The following ATXN7 variants were observed in gnomAD, a reference collection of about 807,000 sequenced individuals.
ATXN7 encodes the protein ataxin 7.
In ATXN7, 12 loss-of-function variants were observed where a neutral mutation model predicts 70.5. The ratio of observed to expected loss-of-function variants is 0.17; its 90% CI spans 0.11 to 0.28. The LOEUF is 0.28. ATXN7 is among the 10% of genes least tolerant of loss of function. The probability of loss-of-function intolerance (pLI) is 1.00; values close to 1 mark genes in which losing one functional copy is unlikely to be tolerated. For missense variants in ATXN7, 1,256 were observed against 1,131.7 expected, an observed-to-expected ratio of 1.11 and a Z score of -1.58; for synonymous variants, 498 against 448.7, an observed-to-expected ratio of 1.11 and a Z score of -1.39.
upstream of ATXN7, chr3:63,863,715 CA>C: frequency 8.0e-7 from 1 of 1,248,578 alleles, no homozygotes; most frequent in African/African-American, 1.6e-5. Flanking sequence ...CCAGGGGTCT[CA>C]GGGGAGGCCC....
Position 64,001,948 on chromosome 3 carries a change from T to G in ATXN7, c.*2481T>G, listed in dbSNP as rs2106820729. Reference sequence around the variant, plus strand: ...GGTATCAATTTAAAACCAAGATAATTTTTATATTCTTTCCAATAGAATTTC... The same window carrying G: ...GGTATCAATTTAAAACCAAGATAATGTTTATATTCTTTCCAATAGAATTTC... On this transcript the variant is annotated 3_prime_UTR_variant, in exon 13 of 13. Coordinates refer to ENST00000674280, the MANE Select transcript of ATXN7 (RefSeq NM_001377405.1). 1 of 152,438 alleles carries G rather than the reference T, an allele frequency of 6.6e-6. No homozygotes were observed. The allele number at this position is 152,438 out of a possible 1,614,324, so 9.4% of individuals were successfully genotyped here. A position where few individuals can be genotyped will look rare whatever the true frequency, so the allele number is the denominator to read the frequency against.
At chr3:63,902,840 T>C (rs367639037) in intron 2 of ATXN7, among the ~76,000 whole-genome samples, 10 of 151,950 alleles carry the variant, frequency 6.6e-5, no homozygotes, top group East Asian at 3.9e-4. Context: ...TAGAGTTTCT[T>C]CTTCAAAAAA....
intron 2 of ATXN7, among the ~76,000 whole-genome samples, chr3:63,907,830 A>G (rs539715231): frequency 8.5e-5 from 13 of 152,308 alleles, no homozygotes; most frequent in Admixed American, 1.3e-4. Flanking sequence ...TTTCAAATCA[A>G]GTTCGTCATA....
At chr3:63,940,876 C>G (rs1297334750) in intron 4 of ATXN7, among the ~76,000 whole-genome samples, 1 of 152,108 alleles carries the variant, frequency 6.6e-6, no homozygotes. Context: ...GTAGGCACTT[C>G]CAGATTTGGG....
chr3:63,865,980 A>G (rs1405093966), intron 1 of ATXN7, among the ~76,000 whole-genome samples: 1 of 150,352 alleles, frequency 6.7e-6, no homozygotes, highest in African/African-American at 2.4e-5. Context: ...TAATCTTATC[A>G]TAATACTGAT....
chr3:63,909,933 T>C (rs1040022065), intron 2 of ATXN7, among the ~76,000 whole-genome samples: 1 of 152,236 alleles, frequency 6.6e-6, no homozygotes, highest in Non-Finnish European at 1.5e-5. Flanking sequence ...TCCTCAATAA[T>C]TGATAGCTTG....
intron 2 of ATXN7, 32 bp from the exon 3 acceptor site, chr3:63,912,556 A>G: frequency 9.0e-7 from 1 of 1,107,434 alleles, no homozygotes; most frequent in Non-Finnish European, 1.1e-6. Flanking sequence ...CCCCCGCGCG[A>G]CTCTTTCCCC....
chr3:63,998,533 T>C (rs2075795860), intron 12 of ATXN7: 1 of 985,258 alleles, frequency 1.0e-6, no homozygotes, highest in Admixed American at 6.1e-5. Context: ...ACAGCCTAAC[T>C]TTGGGCTTTT....
chr3:63,880,406 A>G (rs1702876144), intron 1 of ATXN7, among the ~76,000 whole-genome samples: 1 of 152,322 alleles, frequency 6.6e-6, no homozygotes, highest in South Asian at 2.1e-4. Flanking sequence ...GCCCTGACTC[A>G]AGGAGTTGGT....
intron 5 of ATXN7, among the ~76,000 whole-genome samples, chr3:63,961,161 G>A (rs1261022453): frequency 6.6e-6 from 1 of 152,110 alleles, no homozygotes; most frequent in African/African-American, 2.4e-5. Context: ...CCTGGACAAA[G>A]TAATATTTAC....
intron 4 of ATXN7, among the ~76,000 whole-genome samples, chr3:63,940,936 T>C (rs1005845367): frequency 3.9e-5 from 6 of 152,178 alleles, no homozygotes; most frequent in African/African-American, 1.2e-4. Context: ...CAGGATTTGC[T>C]GACAGTATTT....
Position 63,980,272 on chromosome 3 carries a change from T to C in ATXN7, c.752+105T>C. ...GTGAGTAATATAAAAGAGAGTCTACTTGGGGAAGAATTCAAATGTATGTTG... is the reference window on the plus strand; with the variant it reads ...GTGAGTAATATAAAAGAGAGTCTACCTGGGGAAGAATTCAAATGTATGTTG... On this transcript the variant is annotated intron_variant, in intron 6 of 12. Coordinates refer to ENST00000674280, the MANE Select transcript of ATXN7 (RefSeq NM_001377405.1). 1.3e-5 allele frequency: 19 copies of C among 1,431,678 alleles called. No homozygotes were observed. The South Asian group carries it at 2.2e-4, about 17-fold the overall frequency. 88.7% of individuals were successfully genotyped at this position (1,431,678 alleles called of 1,614,324 possible). A position where few individuals can be genotyped will look rare whatever the true frequency, so the allele number is the denominator to read the frequency against.
intron 1 of ATXN7, among the ~76,000 whole-genome samples, chr3:63,894,937 T>G (rs1703397790): frequency 2.0e-5 from 3 of 151,636 alleles, no homozygotes; most frequent in African/African-American, 7.3e-5. Context: ...TTTCAGGTTG[T>G]TTTTTTTGTT....
At chr3:63,942,108 C>T (rs1389078877) in intron 4 of ATXN7, among the ~76,000 whole-genome samples, 1 of 152,196 alleles carries the variant, frequency 6.6e-6, no homozygotes, top group East Asian at 1.9e-4. Context: ...CCGCAGGAGT[C>T]TGCTGGCAGA....
intron 9 of ATXN7, 57 bp downstream of exon 9, chr3:63,988,381 T>C (rs1198809024): frequency 3.1e-6 from 5 of 1,599,714 alleles, no homozygotes; most frequent in Non-Finnish European, 3.4e-6. Flanking sequence ...TTGCAGATAC[T>C]GTAAAATTTC....
chr3:64,000,186 T>TA lies in ATXN7; in HGVS notation c.*720dup. ...GCAAGTATAAATCATTTTGGAGGCT[T>TA]ACTTTTCATGATACAAAAGCAATTC... On this transcript the variant is annotated 3_prime_UTR_variant, in exon 13 of 13. Coordinates refer to ENST00000674280, the MANE Select transcript of ATXN7 (RefSeq NM_001377405.1). The TA allele has an allele frequency of 1.3e-5, 2 of 151,280 alleles. No individual in the cohort carries two copies. The highest frequency in any genetic ancestry group is 6.8e-3 in the Middle Eastern group (2 of 292). 9.4% of individuals were successfully genotyped at this position (151,280 alleles called of 1,614,324 possible).
intron 4 of ATXN7, among the ~76,000 whole-genome samples, chr3:63,923,054 C>T (rs1444125212): frequency 1.3e-5 from 2 of 152,274 alleles, no homozygotes; most frequent in South Asian, 4.1e-4. Flanking sequence ...CACTTTCTGA[C>T]CAGTTTCAGA....
At chr3:63,892,495 C>A (rs148452503) in intron 1 of ATXN7, among the ~76,000 whole-genome samples, 1,300 of 126,722 alleles carry the variant, frequency 0.01, 11 homozygotes, top group African/African-American at 0.036. Context: ...ACACACACAC[C>A]CACACACACA....
At chr3:63,915,270 T>C (rs1704217081) in intron 4 of ATXN7, among the ~76,000 whole-genome samples, 1 of 152,114 alleles carries the variant, frequency 6.6e-6, no homozygotes, top group African/African-American at 2.4e-5. Flanking sequence ...TCCTCCCCCT[T>C]TTAAAGTTGT....
Sources: allele counts gnomAD v4.1 joint callset (sites outside exome capture counted in the v4.1 genomes callset), GRCh38; gene constraint gnomAD v4.1.1; transcripts MANE v1.5; gene names NCBI Gene and HGNC (gene_info 2026-07-23, HGNC 2026-07-21).